The following MSRA variants were observed in gnomAD, a reference collection of about 807,000 sequenced individuals.
MSRA encodes mitochondrial peptide methionine sulfoxide reductase.
A neutral mutation model predicts 31.3 loss-of-function variants in MSRA; 54 were observed. That is an observed-to-expected ratio of 1.73 (90% CI 1.39 to 2.17). The LOEUF is 2.17. MSRA is among the 30% of genes most tolerant of loss of function. The pLI is 0.00. For missense variants in MSRA, 507 were observed against 300.9 expected (o/e 1.69, Z -5.07); for synonymous variants, 169 against 116.5 (o/e 1.45, Z -2.90).
intron 1 of MSRA, among the ~76,000 whole-genome samples, chr8:10,143,097 G>A (rs780165438): frequency 6.6e-6 from 1 of 152,224 alleles, no homozygotes; most frequent in Non-Finnish European, 1.5e-5. Flanking sequence ...AGAATTAAGC[G>A]TAATTTTTAT....
intron 5 of MSRA, among the ~76,000 whole-genome samples, chr8:10,404,504 G>A (rs1807675173): frequency 6.6e-6 from 1 of 152,224 alleles, no homozygotes; most frequent in Non-Finnish European, 1.5e-5. Context: ...CCTGCGGGGT[G>A]GCCCTCGCTC....
intron 1 of MSRA, among the ~76,000 whole-genome samples, chr8:10,079,281 CCCA>C (rs1798160684): frequency 6.6e-6 from 1 of 152,076 alleles, no homozygotes; most frequent in South Asian, 2.1e-4. Flanking sequence ...ATCTCAGCCT[CCCA>C]CATAGCTGGG....
intron 1 of MSRA, among the ~76,000 whole-genome samples, chr8:10,193,400 A>G (rs2129054307): frequency 6.6e-6 from 1 of 152,342 alleles, no homozygotes; most frequent in East Asian, 1.9e-4. Context: ...ATTTTCAGAC[A>G]CTGCGGTAAT....
In MSRA at chr8:10,319,883, G is replaced by C. The variant is rs765064285; in HGVS notation, c.437G>C (p.Gly146Ala). The C allele has an allele frequency of 1.3e-6, 2 of 1,530,876 alleles. No individual in the cohort carries two copies. The highest frequency in any genetic ancestry group is 2.8e-5 in the African/African-American group (2 of 72,100). 94.8% of individuals were successfully genotyped at this position (1,530,876 alleles called of 1,614,324 possible). A position where few individuals can be genotyped will look rare whatever the true frequency, so the allele number is the denominator to read the frequency against. Residue 146 changes from glycine to alanine, a missense_variant and splice_region_variant, in exon 5 of 6, where the codon GGT becomes GCT. Coordinates refer to ENST00000317173, the MANE Select transcript of MSRA (RefSeq NM_012331.5). Reference protein sequence around the residue: ...VFWENHDPTQGMRQGNDHGTQ... With the variant: ...VFWENHDPTQAMRQGNDHGTQ... ...CCCTCCCTGTTTTCTGCTTTCCTAG[G>C]TATGCGCCAGGGGAACGACCATGGC...
intron 1 of MSRA, among the ~76,000 whole-genome samples, chr8:10,142,389 A>T (rs1802794004): frequency 6.6e-6 from 1 of 152,196 alleles, no homozygotes; most frequent in Non-Finnish European, 1.5e-5. Context: ...TAGAGCTGGC[A>T]AGTGATGGAG....
chr8:10,125,588 A>C (rs1271165167), intron 1 of MSRA, among the ~76,000 whole-genome samples: 1 of 152,182 alleles, frequency 6.6e-6, no homozygotes, highest in Non-Finnish European at 1.5e-5. Flanking sequence ...GAACCGGGCT[A>C]AGGAGCTTGA....
rs577209651 is a variant in MSRA, at chr8:10,217,692, C to T, written c.211+9791C>T. 4.6e-5 allele frequency among the ~76,000 whole-genome samples: 7 copies of T among 152,196 alleles called. No individual in the cohort carries two copies. The South Asian group carries it at 1.5e-3, about 32-fold the overall frequency. ...GCATATTTAAAGCAGATCTCAGCTG[C>T]CCTATCAACTCATCCATGAATATTT... On this transcript the variant is annotated intron_variant, in intron 2 of 5. Transcript: ENST00000317173.
rs561263885 is a variant in MSRA at position 10,054,565 on chromosome 8, C to T, written c.49C>T (p.Leu17Phe). The T allele has an allele frequency of 1.9e-6, 3 of 1,587,822 alleles. No individual in the cohort carries two copies. The highest frequency in any genetic ancestry group is 1.4e-5 in the African/African-American group (1 of 72,396). ...RACQLLLLHS[L>F]FPVPRMGNSA... ...TTGCCAGCTCCTCCTCCTCCACAGCCTCTTTCCCGTCCCGAGGATGGGCAA... is the reference window on the plus strand; with the variant it reads ...TTGCCAGCTCCTCCTCCTCCACAGCTTCTTTCCCGTCCCGAGGATGGGCAA... The change falls in exon 1 of 6, where the codon CTC becomes TTC. Residue 17 changes from leucine to phenylalanine, a missense_variant. By Grantham distance (22) the Leu-to-Phe change is conservative (BLOSUM62 0). Coordinates refer to ENST00000317173, the MANE Select transcript of MSRA (RefSeq NM_012331.5).
intron 1 of MSRA, among the ~76,000 whole-genome samples, chr8:10,076,416 C>G (rs1032693746): frequency 2.0e-5 from 3 of 152,210 alleles, no homozygotes; most frequent in African/African-American, 7.2e-5. Flanking sequence ...CTCCAGCCTT[C>G]TTTTTGGGAG....
chr8:10,088,954 T>G (rs1798720600), intron 1 of MSRA, among the ~76,000 whole-genome samples: 1 of 151,996 alleles, frequency 6.6e-6, no homozygotes, highest in African/African-American at 2.4e-5. Flanking sequence ...AATACACACG[T>G]AGAGAATAAA....
intron 2 of MSRA, among the ~76,000 whole-genome samples, chr8:10,221,696 A>C (rs2129067840): frequency 6.6e-6 from 1 of 152,348 alleles, no homozygotes; most frequent in South Asian, 2.1e-4. Context: ...ATGGCATGTC[A>C]GATTATGATA....
chr8:10,191,053 T>G (rs1026527384), intron 1 of MSRA, among the ~76,000 whole-genome samples: 7 of 152,198 alleles, frequency 4.6e-5, no homozygotes, highest in African/African-American at 1.7e-4. Context: ...TAGCGTCCCA[T>G]TCTTCTGCTG....
intron 2 of MSRA, among the ~76,000 whole-genome samples, chr8:10,214,959 A>G (rs1446521989): frequency 1.3e-5 from 2 of 152,218 alleles, no homozygotes; most frequent in South Asian, 2.1e-4. Flanking sequence ...TTTGGAAAGC[A>G]TTGGCTGGGA....
intron 5 of MSRA, among the ~76,000 whole-genome samples, chr8:10,336,253 AG>A (rs1018689922): frequency 3.9e-5 from 6 of 152,288 alleles, no homozygotes; most frequent in East Asian, 1.9e-4. Flanking sequence ...TTAGTAAGAA[AG>A]AAAAATACTG....
At chr8:10,242,092 C>G (rs34487797) in intron 2 of MSRA, among the ~76,000 whole-genome samples, 2 of 151,914 alleles carry the variant, frequency 1.3e-5, no homozygotes, top group African/African-American at 4.8e-5. Flanking sequence ...GCCAACATGG[C>G]GAAACCCCAT....
At chr8:10,256,126 C>T (rs1163548180) in intron 3 of MSRA, among the ~76,000 whole-genome samples, 1 of 152,152 alleles carries the variant, frequency 6.6e-6, no homozygotes, top group African/African-American at 2.4e-5. Context: ...TCAGCCTATT[C>T]AGCCCATCCT....
intron 5 of MSRA, among the ~76,000 whole-genome samples, chr8:10,373,587 A>G (rs1484593752): frequency 6.6e-6 from 1 of 152,194 alleles, no homozygotes; most frequent in Non-Finnish European, 1.5e-5. Flanking sequence ...TGTGGGCCCC[A>G]TGGGGGAAGC....
Position 10,189,530 on chromosome 8 carries a change from T to A in MSRA, c.143-18303T>A, listed in dbSNP as rs1018804096. ...TATCTCCCTTGTTGACTAAAAAAAG[T>A]TTTTTAAACACAGGTAGGTATTGAA... On this transcript the variant is annotated intron_variant, in intron 1 of 5. Transcript: ENST00000317173. 7.9e-5 allele frequency among the ~76,000 whole-genome samples: 12 copies of A among 152,288 alleles called. No individual in the cohort carries two copies. The East Asian group carries it at 1.9e-3, about 24-fold the overall frequency.
At chr8:10,242,816 G>T (rs1007449365) in intron 2 of MSRA, among the ~76,000 whole-genome samples, 1 of 152,062 alleles carries the variant, frequency 6.6e-6, no homozygotes, top group Non-Finnish European at 1.5e-5. Flanking sequence ...TTGCTTCATG[G>T]AGTTTTATCC....
Sources: allele counts gnomAD v4.1 joint callset (sites outside exome capture counted in the v4.1 genomes callset), GRCh38; gene constraint gnomAD v4.1.1; transcripts MANE v1.5; gene names NCBI Gene and HGNC (gene_info 2026-07-23, HGNC 2026-07-21).